The following FAM168A variants were observed in gnomAD, a reference collection of about 807,000 sequenced individuals.
The protein encoded by FAM168A is protein FAM168A.
A neutral mutation model predicts 28.5 loss-of-function variants in FAM168A; 3 were observed. That is an observed-to-expected ratio of 0.11 (90% CI 0.05 to 0.27). FAM168A has a LOEUF of 0.27. Among genes scored for constraint, FAM168A ranks in the 10% least tolerant of loss-of-function variants. FAM168A has a pLI of 1.00. For synonymous variants in FAM168A, 122 were observed against 124.2 expected (o/e 0.98, Z 0.12); for missense variants, 222 against 311.5 (o/e 0.71, Z 2.16).
At chr11:73,450,177 C>T (rs1867401141) in intron 2 of FAM168A, among the ~76,000 whole-genome samples, 1 of 152,230 alleles carries the variant, frequency 6.6e-6, no homozygotes, top group Non-Finnish European at 1.5e-5. Flanking sequence ...CCAGCAGCCC[C>T]TCCTGTCATA....
At chr11:73,550,338 G>A (rs1943810488) in intron 1 of FAM168A, among the ~76,000 whole-genome samples, 1 of 152,144 alleles carries the variant, frequency 6.6e-6, no homozygotes, top group East Asian at 1.9e-4. Context: ...GCTACTCAGA[G>A]ATAAATCCCA....
intron 1 of FAM168A, among the ~76,000 whole-genome samples, chr11:73,591,137 C>T (rs1303943695): frequency 1.3e-5 from 2 of 151,426 alleles, no homozygotes; most frequent in African/African-American, 4.9e-5. Context: ...AAGCGAGACT[C>T]TGTCTCAAAA....
intron 2 of FAM168A, among the ~76,000 whole-genome samples, chr11:73,437,685 G>A (rs905502514): frequency 6.6e-6 from 1 of 152,058 alleles, no homozygotes; most frequent in African/African-American, 2.4e-5. Context: ...CTGGAGTGCA[G>A]AGGCTGAGGC....
At chr11:73,550,986 C>CT (rs1025187839) in intron 1 of FAM168A, among the ~76,000 whole-genome samples, 67 of 152,084 alleles carry the variant, frequency 4.4e-4, no homozygotes, top group African/African-American at 1.5e-3. Context: ...TGATGGGCGC[C>CT]TGTTGTCCCA....
At chr11:73,584,050 A>T (rs567763067) in intron 1 of FAM168A, among the ~76,000 whole-genome samples, 2 of 152,206 alleles carry the variant, frequency 1.3e-5, no homozygotes, top group Non-Finnish European at 2.9e-5. Flanking sequence ...AAGTAAACAC[A>T]GAAATATATT....
chr11:73,586,104 G>A (rs1944310613), intron 1 of FAM168A, among the ~76,000 whole-genome samples: 1 of 152,064 alleles, frequency 6.6e-6, no homozygotes, highest in Non-Finnish European at 1.5e-5. Context: ...CAAGTATCAG[G>A]GATATACAAA....
At chr11:73,543,572 C>A (rs886806271) in intron 1 of FAM168A, among the ~76,000 whole-genome samples, 1 of 152,114 alleles carries the variant, frequency 6.6e-6, no homozygotes, top group African/African-American at 2.4e-5. Flanking sequence ...ATTAATTGTT[C>A]TTTAACTATA....
chr11:73,514,704 G>T (rs139188021), intron 1 of FAM168A, among the ~76,000 whole-genome samples: 1 of 152,118 alleles, frequency 6.6e-6, no homozygotes, highest in Non-Finnish European at 1.5e-5. Flanking sequence ...ATGGTGGTGT[G>T]CTCCTGTAGT....
chr11:73,528,248 C>T (rs1943470310), intron 1 of FAM168A, among the ~76,000 whole-genome samples: 1 of 152,142 alleles, frequency 6.6e-6, no homozygotes, highest in African/African-American at 2.4e-5. Context: ...GAAAATGAGG[C>T]TGAGACTTGC....
intron 1 of FAM168A, among the ~76,000 whole-genome samples, chr11:73,539,145 A>G (rs1590841481): frequency 6.6e-6 from 1 of 152,178 alleles, no homozygotes; most frequent in East Asian, 1.9e-4. Context: ...CTGGGTCTTC[A>G]TTTTCTCAAT....
chr11:73,472,870 G>A (rs988867660), intron 1 of FAM168A, among the ~76,000 whole-genome samples: 3 of 152,096 alleles, frequency 2.0e-5, no homozygotes, highest in African/African-American at 7.2e-5. Context: ...TAGGTTTTGG[G>A]TGAAGAACAG....
At chr11:73,585,264 TA>T (rs1361911096) in intron 1 of FAM168A, among the ~76,000 whole-genome samples, 1 of 152,232 alleles carries the variant, frequency 6.6e-6, no homozygotes, top group African/African-American at 2.4e-5. Flanking sequence ...TACCATTTGT[TA>T]AGTAATTAAT....
chr11:73,431,487 A>G (rs1313787009), intron 2 of FAM168A, among the ~76,000 whole-genome samples: 4 of 151,872 alleles, frequency 2.6e-5, no homozygotes, highest in African/African-American at 9.7e-5. Flanking sequence ...ATCTTTCCAG[A>G]TGGCTTTCTA....
At chr11:73,508,672 G>C (rs986201441) in intron 1 of FAM168A, among the ~76,000 whole-genome samples, 1 of 152,088 alleles carries the variant, frequency 6.6e-6, no homozygotes, top group African/African-American at 2.4e-5. Context: ...GGGTGTGTGT[G>C]TGTGCACGCA....
intron 4 of FAM168A, among the ~76,000 whole-genome samples, chr11:73,414,166 A>G: frequency 6.6e-6 from 1 of 152,352 alleles, no homozygotes; most frequent in Non-Finnish European, 1.5e-5. Flanking sequence ...TTCATACTAT[A>G]AACATTTAAA....
intron 2 of FAM168A, among the ~76,000 whole-genome samples, chr11:73,431,033 C>T (rs1026638122): frequency 1.3e-5 from 2 of 151,760 alleles, no homozygotes; most frequent in Non-Finnish European, 2.9e-5. Flanking sequence ...TCTATATGCT[C>T]ACTATTAAAA....
intron 1 of FAM168A, among the ~76,000 whole-genome samples, chr11:73,557,224 G>C (rs1943901970): frequency 6.6e-6 from 1 of 152,148 alleles, no homozygotes; most frequent in African/African-American, 2.4e-5. Context: ...ATTATGCTAA[G>C]TGAATTAAAC....
At chr11:73,505,701 C>A (rs1457886652) in intron 1 of FAM168A, among the ~76,000 whole-genome samples, 1 of 152,114 alleles carries the variant, frequency 6.6e-6, no homozygotes, top group East Asian at 1.9e-4. Context: ...GAGAACAAGC[C>A]AGCAGGTATG....
At chr11:73,407,676 G>T in intron 6 of FAM168A, 33 bp from the exon 7 acceptor site, 1 of 1,557,700 alleles carries the variant, frequency 6.4e-7, no homozygotes, top group Non-Finnish European at 8.8e-7. Context: ...GTAACCTGAC[G>T]AGGCTGCACC....
Sources: allele counts gnomAD v4.1 joint callset (sites outside exome capture counted in the v4.1 genomes callset), GRCh38; gene constraint gnomAD v4.1.1; transcripts MANE v1.5; gene names NCBI Gene and HGNC (gene_info 2026-07-23, HGNC 2026-07-21).